Variants in SLIT3 observed in about 807,000 individuals in gnomAD.
The protein encoded by SLIT3 is slit guidance ligand 3.
Under a neutral mutation model 184.0 loss-of-function variants are expected in SLIT3, and 68 were observed. That is an observed-to-expected ratio of 0.37 (90% CI 0.30 to 0.45). The LOEUF (loss-of-function observed/expected upper bound fraction) is 0.45. SLIT3 is among the 20% of genes least tolerant of loss of function. SLIT3 has a pLI of 1.00. For missense variants in SLIT3, 1,707 were observed against 2,026.0 expected (o/e 0.84, Z 3.02); for synonymous variants, 831 against 828.6 (o/e 1.00, Z -0.05).
intron 4 of SLIT3, among the ~76,000 whole-genome samples, chr5:169,127,481 T>C (rs139520487): frequency 3.9e-5 from 6 of 152,336 alleles, no homozygotes; most frequent in African/African-American, 1.4e-4. Flanking sequence ...GTCATCTTTG[T>C]CTAAAATCGG....
intron 20 of SLIT3, 21 bp from the exon 21 acceptor site, chr5:168,724,505 C>A (rs549936453): frequency 9.3e-6 from 15 of 1,605,238 alleles, no homozygotes; most frequent in Non-Finnish European, 1.3e-5. Context: ...TGTGGAGAGA[C>A]AACACCTGAG....
intron 1 of SLIT3, among the ~76,000 whole-genome samples, chr5:169,268,824 TAAC>T (rs1434196751): frequency 1.3e-5 from 2 of 152,198 alleles, no homozygotes; most frequent in Non-Finnish European, 2.9e-5. Flanking sequence ...ACTATAAAAA[TAAC>T]AATTAATAAT....
chr5:168,970,709 T>G (rs1754548562), intron 4 of SLIT3, among the ~76,000 whole-genome samples: 1 of 152,136 alleles, frequency 6.6e-6, no homozygotes, highest in Admixed American at 6.5e-5. Flanking sequence ...CTATTCTATG[T>G]AGTTTCCTAC....
At chr5:168,979,362 A>G (rs575427366) in intron 4 of SLIT3, among the ~76,000 whole-genome samples, 272 of 152,328 alleles carry the variant, frequency 1.8e-3, no homozygotes, top group Middle Eastern at 3.4e-3. Flanking sequence ...GACATAGTGG[A>G]AAAGAGGATC....
intron 4 of SLIT3, among the ~76,000 whole-genome samples, chr5:169,045,846 T>C (rs1302801118): frequency 2.0e-5 from 3 of 152,218 alleles, no homozygotes; most frequent in East Asian, 3.9e-4. Flanking sequence ...CCGAGTCAGA[T>C]TGTTAAGTTT....
chr5:168,960,786 T>C (rs969562667), intron 4 of SLIT3, among the ~76,000 whole-genome samples: 1 of 152,222 alleles, frequency 6.6e-6, no homozygotes, highest in African/African-American at 2.4e-5. Flanking sequence ...GGAAGCTATC[T>C]GGGGCTCCAG....
intron 3 of SLIT3, among the ~76,000 whole-genome samples, chr5:169,234,707 CTGAAGCT>C (rs1461359727): frequency 6.6e-6 from 1 of 152,162 alleles, no homozygotes; most frequent in African/African-American, 2.4e-5. Flanking sequence ...CGCATCCAGC[CTGAAGCT>C]TGTTCTTTGT....
chr5:169,145,358 G>T (rs1761893566), intron 4 of SLIT3, among the ~76,000 whole-genome samples: 1 of 152,156 alleles, frequency 6.6e-6, no homozygotes, highest in African/African-American at 2.4e-5. Flanking sequence ...ACATTGCAGG[G>T]CGTGTCAGTT....
At chr5:168,847,208 C>A (rs1350195179) in intron 5 of SLIT3, among the ~76,000 whole-genome samples, 12 of 152,226 alleles carry the variant, frequency 7.9e-5, no homozygotes, top group Non-Finnish European at 1.6e-4. Context: ...ATAAGCATCT[C>A]TGTGGGTGTA....
intron 7 of SLIT3, among the ~76,000 whole-genome samples, chr5:168,821,352 C>A (rs1023340737): frequency 3.3e-5 from 5 of 152,214 alleles, no homozygotes; most frequent in Non-Finnish European, 5.9e-5. Context: ...AGGAGCTGGA[C>A]GGCTGATTCC....
chr5:169,254,452 G>C (rs1765880989), intron 1 of SLIT3, among the ~76,000 whole-genome samples: 2 of 151,950 alleles, frequency 1.3e-5, no homozygotes, highest in African/African-American at 4.8e-5. Context: ...GAAGTGTGGT[G>C]GTCTCCAAAC....
At chr5:168,728,429 C>T (rs925840705) in intron 20 of SLIT3, among the ~76,000 whole-genome samples, 2 of 151,892 alleles carry the variant, frequency 1.3e-5, no homozygotes, top group African/African-American at 2.4e-5. Flanking sequence ...ATGATGCTAC[C>T]AAAGGACCAC....
At chr5:169,146,989 A>T (rs1192051612) in intron 4 of SLIT3, among the ~76,000 whole-genome samples, 1 of 152,200 alleles carries the variant, frequency 6.6e-6, no homozygotes, top group African/African-American at 2.4e-5. Flanking sequence ...AATACAAGAA[A>T]ACTACTTAGC....
chr5:169,167,436 G>A (rs557406168), intron 4 of SLIT3, among the ~76,000 whole-genome samples: 1 of 148,286 alleles, frequency 6.7e-6, no homozygotes, highest in South Asian at 2.3e-4. Context: ...CACCACACCT[G>A]GCTAACTTTT....
chr5:169,259,032 C>T (rs1007640058), intron 1 of SLIT3, among the ~76,000 whole-genome samples: 1 of 152,162 alleles, frequency 6.6e-6, no homozygotes, highest in Non-Finnish European at 1.5e-5. Flanking sequence ...AAACATGACC[C>T]AAAATACCAC....
chr5:169,250,376 G>A (rs964358050), intron 2 of SLIT3, among the ~76,000 whole-genome samples: 23 of 152,164 alleles, frequency 1.5e-4, no homozygotes, highest in African/African-American at 4.3e-4. Context: ...AGCACTACAC[G>A]TGTAACTATG....
intron 3 of SLIT3, among the ~76,000 whole-genome samples, chr5:169,215,643 T>TGGCTG (rs1213001096): frequency 6.6e-6 from 1 of 152,112 alleles, no homozygotes; most frequent in African/African-American, 2.4e-5. Flanking sequence ...ATTTGGCCCA[T>TGGCTG]GGCTGCTGCT....
At chr5:168,832,947 A>C (rs1362202673) in intron 6 of SLIT3, among the ~76,000 whole-genome samples, 1 of 152,194 alleles carries the variant, frequency 6.6e-6, no homozygotes, top group African/African-American at 2.4e-5. Context: ...TAAGAAAATC[A>C]AAGTGCTTCA....
At chr5:168,730,707 T>C (rs1763267397) in intron 20 of SLIT3, among the ~76,000 whole-genome samples, 1 of 151,620 alleles carries the variant, frequency 6.6e-6, no homozygotes, top group South Asian at 2.1e-4. Context: ...TACCCAAACC[T>C]ATGGGATACA....
Sources: allele counts gnomAD v4.1 joint callset (sites outside exome capture counted in the v4.1 genomes callset), GRCh38; gene constraint gnomAD v4.1.1; transcripts MANE v1.5; gene names NCBI Gene and HGNC (gene_info 2026-07-23, HGNC 2026-07-21).